The following POLE variants were observed in gnomAD, a reference collection of about 807,000 sequenced individuals.
POLE encodes DNA polymerase epsilon catalytic subunit A.
POLE carries 188 observed loss-of-function variants against 279.2 expected under a neutral mutation model. The ratio of observed to expected loss-of-function variants is 0.67; its 90% CI spans 0.60 to 0.76. POLE has a LOEUF of 0.76. Among genes scored for constraint, POLE ranks in the 30% least tolerant of loss-of-function variants. The probability of loss-of-function intolerance (pLI) is 0.00; values close to 1 mark genes in which losing one functional copy is unlikely to be tolerated. For synonymous variants in POLE, 1,214 were observed against 1,172.5 expected (o/e 1.04, Z -0.72); for missense variants, 2,703 against 3,016.7 (o/e 0.90, Z 2.44).
chr12:132,658,015 A>T (rs1458808086), intron 26 of POLE, 45 bp from the exon 27 acceptor site: 1 of 1,207,024 alleles, frequency 8.3e-7, no homozygotes, highest in East Asian at 2.3e-5. Flanking sequence ...AGTGAAAATC[A>T]CCCAAAATCT....
chr12:132,651,812 G>A (rs2042428816), intron 29 of POLE, among the ~76,000 whole-genome samples: 1 of 152,212 alleles, frequency 6.6e-6, no homozygotes, highest in Admixed American at 6.5e-5. Context: ...TAAGGATAAC[G>A]TCCAGACAAA....
chr12:132,643,098 C>T (rs1326379271), intron 35 of POLE, 102 bp from the exon 36 acceptor site: 15 of 1,472,256 alleles, frequency 1.0e-5, no homozygotes, highest in East Asian at 7.2e-5. Flanking sequence ...AATTCAATCA[C>T]GACAAGCACT....
In POLE at chr12:132,649,012, G is replaced by A. The variant is rs557732922; in HGVS notation, c.4066C>T (p.His1356Tyr). Reference sequence around the variant, plus strand: ...CGGGGGATGCTCAGCCTGATGCAGTGCAAGTCACTGCCAACGAGCGCCCAC... The same window carrying A: ...CGGGGGATGCTCAGCCTGATGCAGTACAAGTCACTGCCAACGAGCGCCCAC... Reference protein sequence around the residue: ...RLWALVGSDLHCIRLSIPRVF... With the variant: ...RLWALVGSDLYCIRLSIPRVF... The change falls in exon 32 of 49, where the codon CAC becomes TAC. Residue 1356 changes from histidine to tyrosine, a missense_variant. This residue lies in a region of POLE where 1,551 missense variants were observed against 1,686.1 expected (regional missense o/e 0.92). Transcript: ENST00000320574. The A allele has an allele frequency of 1.2e-6, 2 of 1,613,966 alleles. No homozygotes were observed. Among genetic ancestry groups the A allele is most frequent in the Non-Finnish European group, 1.7e-6 (2 of 1,180,016 alleles).
rs1017517142 is a variant in POLE at position 132,675,909 on chromosome 12, C to A, written c.1021-89G>T. 1 of 1,149,010 alleles carries A rather than the reference C, an allele frequency of 8.7e-7. No homozygotes were observed. The highest frequency in any genetic ancestry group is 1.3e-6 in the Non-Finnish European group (1 of 764,198). The allele number at this position is 1,149,010 out of a possible 1,614,324, so 71.2% of individuals were successfully genotyped here. A position where few individuals can be genotyped will look rare whatever the true frequency, so the allele number is the denominator to read the frequency against. ...TCTCCCAAAGTTCAGAAGCAGCAGC[C>A]TCATGTTGGCCCTTATTCCTGCCCC... is the stretch of plus-strand genomic sequence containing the variant. On this transcript the variant is annotated intron_variant, in intron 10 of 48. Transcript: ENST00000320574. The surrounding 1 kb of genome is among the most constrained non-coding windows in gnomAD (Gnocchi z 4.3).
In POLE at chr12:132,649,835, C is replaced by A; in HGVS notation, c.3637G>T (p.Glu1213Ter). ...DSPRPSAPDM[E>*]DFGLVKLPHP... is the part of the protein sequence containing the mutation. ...GGCAGCTTTACGAGGCCGAAGTCCTCCATGTCAGGAGCACTTGGCCTCGGA... is the reference window on the plus strand; with the variant it reads ...GGCAGCTTTACGAGGCCGAAGTCCTACATGTCAGGAGCACTTGGCCTCGGA... Residue 1213 changes from glutamate (E) to a stop codon, truncating the protein, a stop_gained, in exon 30 of 49, where the codon GAG becomes TAG. Coordinates refer to ENST00000320574, the MANE Select transcript of POLE (RefSeq NM_006231.4). LOFTEE classifies it high-confidence loss of function. 6.2e-7 allele frequency: 1 copy of A among 1,614,148 alleles called. No homozygotes were observed. The highest frequency in any genetic ancestry group is 8.5e-7 in the Non-Finnish European group (1 of 1,180,030).
At chr12:132,677,537 G>A (rs1004341932) in intron 7 of POLE, 41 bp downstream of exon 7, 1 of 1,613,090 alleles carries the variant, frequency 6.2e-7, no homozygotes, top group Admixed American at 1.7e-5. Context: ...CTGGCTGTTA[G>A]GAAATTCATG....
chr12:132,676,431 G>A (rs1422319680), intron 9 of POLE, 115 bp downstream of exon 9: 2 of 780,282 alleles, frequency 2.6e-6, no homozygotes, highest in Non-Finnish European at 2.2e-6. Flanking sequence ...CCCATTCCTG[G>A]ACTAACTCAT....
intron 45 of POLE, among the ~76,000 whole-genome samples, chr12:132,629,079 G>A (rs149708624): frequency 3.3e-4 from 51 of 152,330 alleles, no homozygotes; most frequent in African/African-American, 1.2e-3. Context: ...GTTGAAAGTC[G>A]AAATTGCTCC....
chr12:132,676,048 G>T (rs375701878), intron 10 of POLE, 46 bp downstream of exon 10: 2 of 1,282,944 alleles, frequency 1.6e-6, no homozygotes, highest in East Asian at 2.3e-5. Flanking sequence ...CCACATGTCC[G>T]TTCTTCCCAC....
In POLE at chr12:132,632,270, A is replaced by G. The variant is rs1170925961; in HGVS notation, c.6330+45T>C. 4.8e-6 allele frequency: 7 copies of G among 1,462,960 alleles called. No homozygotes were observed. The South Asian group carries it at 5.7e-5, about 12-fold the overall frequency. 90.6% of individuals were successfully genotyped at this position (1,462,960 alleles called of 1,614,324 possible). Reference sequence around the variant, plus strand: ...ACACAGTAACATTCTCGCCTTACACATGTACGTTAGTGTCCTCTCCTCACA... The same window carrying G: ...ACACAGTAACATTCTCGCCTTACACGTGTACGTTAGTGTCCTCTCCTCACA... On this transcript the variant is annotated intron_variant, in intron 45 of 48. Coordinates refer to ENST00000320574, the MANE Select transcript of POLE (RefSeq NM_006231.4).
At chr12:132,655,290 T>C (rs1443210791) in intron 29 of POLE, among the ~76,000 whole-genome samples, 5 of 152,260 alleles carry the variant, frequency 3.3e-5, no homozygotes, top group African/African-American at 4.8e-5. Flanking sequence ...TCTATGACTT[T>C]TTTGATCCAC....
chr12:132,672,279 G>A lies in POLE; in HGVS notation c.1730C>T (p.Thr577Ile), dbSNP rs1418781426. ...CTCTTCCTCAAGGGCGTGGCGCAAGGTCTTCTCAACCCGCTGCAGCAGGAA... is the reference window on the plus strand; with the variant it reads ...CTCTTCCTCAAGGGCGTGGCGCAAGATCTTCTCAACCCGCTGCAGCAGGAA... ...FDFLLQRVEK[T>I]LRHALEEEEK... The change falls in exon 16 of 49, where the codon ACC becomes ATC. Residue 577 changes from threonine to isoleucine, a missense_variant. Transcript: ENST00000320574. 1.2e-6 allele frequency: 2 copies of A among 1,614,234 alleles called. No homozygotes were observed. The highest frequency in any genetic ancestry group is 4.5e-5 in the East Asian group (2 of 44,892).
chr12:132,646,873 A>T (rs995714690), intron 32 of POLE, among the ~76,000 whole-genome samples: 1 of 152,036 alleles, frequency 6.6e-6, no homozygotes, highest in Non-Finnish European at 1.5e-5. Flanking sequence ...AATTTAAAAA[A>T]TACTCTGTAG....
In POLE at chr12:132,682,951, TA is replaced by T. The variant is rs995509616; in HGVS notation, c.63-1673del. Among the ~76,000 whole-genome samples the T allele has an allele frequency of 8.7e-3, 1,286 of 147,966 alleles. 22 individuals are homozygous for T. Among genetic ancestry groups the T allele is most frequent in the African/African-American group, 0.03 (1,215 of 40,282 alleles). On this transcript the variant is annotated intron_variant, in intron 1 of 48. Transcript: ENST00000320574. ...CTGGGCGACAGAGCGAGACTCCGTC[TA>T]AAAAAAAAATAAAATAAAAAAAGAA...
rs756998826 is a variant in POLE at position 132,659,505 on chromosome 12, G to A, written c.3065C>T (p.Ala1022Val). The A allele has an allele frequency of 1.2e-5, 20 of 1,613,668 alleles. No individual in the cohort carries two copies. Among genetic ancestry groups the A allele is most frequent in the South Asian group, 5.5e-5 (5 of 91,056 alleles). The change falls in exon 26 of 49, where the codon GCC becomes GTC. Residue 1022 changes from alanine to valine, a missense_variant. This residue lies in a region of POLE where 1,551 missense variants were observed against 1,686.1 expected (regional missense o/e 0.92). Coordinates refer to ENST00000320574, the MANE Select transcript of POLE (RefSeq NM_006231.4). ...GAATAGCTCAGAGTCAGGCATGTTGGCTGCCTAGAGAAAGACAATGGGTAA... is the reference window on the plus strand; with the variant it reads ...GAATAGCTCAGAGTCAGGCATGTTGACTGCCTAGAGAAAGACAATGGGTAA... ...YWLDVLYSKA[A>V]NMPDSELFEL...
Position 132,661,208 on chromosome 12 carries a change from C to G in POLE, c.2865-44G>C, listed in dbSNP as rs2135946910. 1 of 1,524,060 alleles carries G rather than the reference C, an allele frequency of 6.6e-7. No homozygotes were observed. Among genetic ancestry groups the G allele is most frequent in the Non-Finnish European group, 8.8e-7 (1 of 1,131,486 alleles). The allele number at this position is 1,524,060 out of a possible 1,614,324, so 94.4% of individuals were successfully genotyped here. On this transcript the variant is annotated intron_variant, in intron 24 of 48. Transcript: ENST00000320574. This position sits in a 1 kb window ranked among gnomAD's most constrained non-coding sequence, Gnocchi z 4.1. ...GCAAGCACAGCAGTGGCAAGGAGCG[C>G]TGGGGAGCCACCAGCTGTGCCTCAT...
chr12:132,681,533 C>G (rs749676597), intron 1 of POLE, among the ~76,000 whole-genome samples: 114 of 152,082 alleles, frequency 7.5e-4, no homozygotes, highest in Non-Finnish European at 1.4e-3. Context: ...TTAGTAGAGA[C>G]GGGGTTTCAC....
chr12:132,678,985 G>A (rs2043112327), intron 6 of POLE, among the ~76,000 whole-genome samples: 1 of 152,164 alleles, frequency 6.6e-6, no homozygotes, highest in Admixed American at 6.5e-5. Flanking sequence ...TTTGTCAGAG[G>A]GTAAGGTAGG....
At chr12:132,645,644 A>T (rs964691931) in intron 32 of POLE, among the ~76,000 whole-genome samples, 1 of 152,220 alleles carries the variant, frequency 6.6e-6, no homozygotes, top group Non-Finnish European at 1.5e-5. Context: ...TTTTAAAAAT[A>T]CCCAAAGTCT....
Sources: allele counts gnomAD v4.1 joint callset (sites outside exome capture counted in the v4.1 genomes callset), GRCh38; gene constraint gnomAD v4.1.1; regional missense constraint gnomAD v4.1.1; non-coding constraint Gnocchi (gnomAD v3.1); transcripts MANE v1.5; gene names NCBI Gene and HGNC (gene_info 2026-07-23, HGNC 2026-07-21).